The following SEMA5A variants were observed in gnomAD, a reference collection of about 807,000 sequenced individuals.
The protein encoded by SEMA5A is semaphorin-5A.
Under a neutral mutation model 135.5 loss-of-function variants are expected in SEMA5A, and 55 were observed. The observed-to-expected ratio is 0.41, with a 90% CI of 0.33 to 0.51. The LOEUF (loss-of-function observed/expected upper bound fraction) is 0.51. Ranked by LOEUF, SEMA5A falls within the 20% of genes least tolerant of loss-of-function variation. The pLI, the probability that SEMA5A is intolerant of heterozygous loss-of-function variation, is 0.37. For synonymous variants in SEMA5A, 580 were observed against 546.5 expected (o/e 1.06, Z -0.85); for missense variants, 1,290 against 1,419.9 (o/e 0.91, Z 1.47).
chr5:9,345,300 G>A (rs1433774570), intron 3 of SEMA5A, among the ~76,000 whole-genome samples: 2 of 152,006 alleles, frequency 1.3e-5, no homozygotes, highest in African/African-American at 2.4e-5. Context: ...ATCTAACTTG[G>A]AGAAATGATG....
intron 8 of SEMA5A, among the ~76,000 whole-genome samples, chr5:9,207,441 T>A: frequency 6.6e-6 from 1 of 152,094 alleles, no homozygotes; most frequent in South Asian, 2.1e-4. Context: ...CACTTCAGCC[T>A]CCCAAAGTGC....
At chr5:9,097,199 C>T (rs1739370732) in intron 16 of SEMA5A, among the ~76,000 whole-genome samples, 3 of 152,184 alleles carry the variant, frequency 2.0e-5, no homozygotes, top group Non-Finnish European at 4.4e-5. Context: ...AGTAGTAATA[C>T]TGCCCCAGGT....
At chr5:9,056,836 G>A (rs892731598) in intron 18 of SEMA5A, among the ~76,000 whole-genome samples, 3 of 152,232 alleles carry the variant, frequency 2.0e-5, no homozygotes, top group Admixed American at 6.5e-5. Flanking sequence ...CATGTTCACT[G>A]CAGCATTTCT....
chr5:9,458,530 G>A (rs569951699), intron 1 of SEMA5A, among the ~76,000 whole-genome samples: 1 of 152,112 alleles, frequency 6.6e-6, no homozygotes, highest in African/African-American at 2.4e-5. Flanking sequence ...GCAGGCACTC[G>A]CCCATACGCC....
At chr5:9,452,607 C>G (rs3756726) in intron 1 of SEMA5A, among the ~76,000 whole-genome samples, 107,601 of 152,084 alleles carry the variant, frequency 0.71, 38,696 homozygotes, top group Non-Finnish European at 0.78. Flanking sequence ...CCCGCAAATA[C>G]AGCTGCATTT....
In SEMA5A at chr5:9,479,826, C is replaced by T. The variant is rs180678134; in HGVS notation, c.-174-41974G>A. 6.6e-5 allele frequency among the ~76,000 whole-genome samples: 10 copies of T among 152,286 alleles called. No homozygotes were observed. In the East Asian group the frequency reaches 1.7e-3, roughly 26 times the overall value. On this transcript the variant is annotated intron_variant, in intron 1 of 22. Transcript: ENST00000382496. Reference sequence around the variant, plus strand: ...ATGGCCACTCCCTCACTAGCATCACCAGAGGGTGATGATAAGAGAAGGCTA... The same window carrying T: ...ATGGCCACTCCCTCACTAGCATCACTAGAGGGTGATGATAAGAGAAGGCTA...
At chr5:9,520,702 C>T (rs1346890157) in intron 1 of SEMA5A, among the ~76,000 whole-genome samples, 1 of 152,198 alleles carries the variant, frequency 6.6e-6, no homozygotes, top group African/African-American at 2.4e-5. Context: ...ATTTCTGTTT[C>T]CCTCCAGAAA....
intron 5 of SEMA5A, among the ~76,000 whole-genome samples, chr5:9,310,802 C>CATACAT (rs1554018096): frequency 6.8e-6 from 1 of 146,234 alleles, no homozygotes; most frequent in Admixed American, 6.9e-5. Flanking sequence ...TGCATATATA[C>CATACAT]ATATATATAT....
At position 9,345,173 on chromosome 5, in the gene SEMA5A, A is replaced by G. The variant is rs138555138; in HGVS notation, c.125-7361T>C. On this transcript the variant is annotated intron_variant, in intron 3 of 22. Coordinates refer to ENST00000382496, the MANE Select transcript of SEMA5A (RefSeq NM_003966.3). Reference sequence around the variant, plus strand: ...TGTTTCAGAAAGGTAGTGGATTTCAATTGGTTACAAGATGATCATTGTTTC... The same window carrying G: ...TGTTTCAGAAAGGTAGTGGATTTCAGTTGGTTACAAGATGATCATTGTTTC... Among the ~76,000 whole-genome samples the G allele has an allele frequency of 1.1e-4, 17 of 152,348 alleles. No individual in the cohort carries two copies. In the East Asian group the frequency reaches 3.3e-3, roughly 29 times the overall value.
chr5:9,271,646 G>A (rs1242939082), intron 5 of SEMA5A, among the ~76,000 whole-genome samples: 1 of 152,152 alleles, frequency 6.6e-6, no homozygotes, highest in Non-Finnish European at 1.5e-5. Flanking sequence ...GCAGAAGGTG[G>A]GTGATTTCTG....
At chr5:9,472,446 T>C (rs1439504397) in intron 1 of SEMA5A, among the ~76,000 whole-genome samples, 1 of 152,202 alleles carries the variant, frequency 6.6e-6, no homozygotes, top group East Asian at 1.9e-4. Flanking sequence ...TGCCTTGTGT[T>C]GAAAGGACAG....
At chr5:9,512,389 C>T (rs1200945500) in intron 1 of SEMA5A, among the ~76,000 whole-genome samples, 2 of 152,282 alleles carry the variant, frequency 1.3e-5, no homozygotes, top group South Asian at 2.1e-4. Context: ...AAATAGGTAT[C>T]GTTACTTTTC....
chr5:9,108,276 T>C lies in SEMA5A; in HGVS notation c.1937A>G (p.Glu646Gly). Reference protein sequence around the residue: ...GQNREERYCNEHLLCPPHMFW... With the variant: ...GQNREERYCNGHLLCPPHMFW... The stretch of plus-strand genomic sequence containing the variant: ...CATGTGTGGGGGACATAGCAAATGT[T>C]CATTGCAGTATCTGTAATGAGGAAA... Residue 646 changes from glutamate to glycine, a missense_variant, in exon 16 of 23, where the codon GAA becomes GGA. By Grantham distance (98) the Glu-to-Gly change is moderately conservative. Around this residue, in one of 3 missense-constraint regions of SEMA5A, gnomAD observed 1,029 missense variants for 1,086.6 expected, o/e 0.95. Coordinates refer to ENST00000382496, the MANE Select transcript of SEMA5A (RefSeq NM_003966.3). 1 of 1,614,166 alleles carries C rather than the reference T, an allele frequency of 6.2e-7. No individual in the cohort carries two copies. Among genetic ancestry groups the C allele is most frequent in the Middle Eastern group, 1.6e-4 (1 of 6,062 alleles).
At chr5:9,130,243 A>G (rs757619608) in intron 13 of SEMA5A, among the ~76,000 whole-genome samples, 32 of 152,060 alleles carry the variant, frequency 2.1e-4, no homozygotes, top group Non-Finnish European at 3.8e-4. Flanking sequence ...CTATATTCCA[A>G]CCACTATTGT....
chr5:9,465,376 T>C (rs1759219723), intron 1 of SEMA5A, among the ~76,000 whole-genome samples: 1 of 152,220 alleles, frequency 6.6e-6, no homozygotes, highest in Non-Finnish European at 1.5e-5. Context: ...TGGGAGAAAT[T>C]TATGCATCAA....
intron 17 of SEMA5A, among the ~76,000 whole-genome samples, chr5:9,065,969 ATG>A (rs1398658407): frequency 6.6e-6 from 1 of 152,228 alleles, no homozygotes; most frequent in Non-Finnish European, 1.5e-5. Flanking sequence ...TCCTTACACA[ATG>A]TGCTTTTTAA....
chr5:9,385,000 G>A (rs1237096270), intron 2 of SEMA5A, among the ~76,000 whole-genome samples: 1 of 152,052 alleles, frequency 6.6e-6, no homozygotes, highest in Non-Finnish European at 1.5e-5. Context: ...ACCAACTCTA[G>A]AAAAATAAAA....
chr5:9,115,927 G>A lies in SEMA5A; in HGVS notation c.1925+3071C>T, dbSNP rs531378522. Among the ~76,000 whole-genome samples, 115 of 152,290 alleles carry A rather than the reference G, an allele frequency of 7.6e-4. 1 individual carries two copies. Among genetic ancestry groups the A allele is most frequent in the African/African-American group, 2.7e-3 (112 of 41,576 alleles). On this transcript the variant is annotated intron_variant, in intron 15 of 22. Transcript: ENST00000382496. ...AAGTTTGTAATGCCCATCTTGCAAG[G>A]AGACTGTCTTTCCTGCTGGATTTTA... is the stretch of plus-strand genomic sequence containing the variant.
At chr5:9,093,325 T>G (rs1561144947) in intron 16 of SEMA5A, among the ~76,000 whole-genome samples, 1 of 152,220 alleles carries the variant, frequency 6.6e-6, no homozygotes, top group Non-Finnish European at 1.5e-5. Context: ...ATGTAACATA[T>G]TTTTTGAATT....
Sources: allele counts gnomAD v4.1 joint callset (sites outside exome capture counted in the v4.1 genomes callset), GRCh38; gene constraint gnomAD v4.1.1; regional missense constraint gnomAD v4.1.1; transcripts MANE v1.5; gene names NCBI Gene and HGNC (gene_info 2026-07-23, HGNC 2026-07-21).